Variants in SCRT2 observed in about 807,000 individuals in gnomAD.
SCRT2 encodes scratch family transcriptional repressor 2, also known as transcriptional repressor scratch 2.
A neutral mutation model predicts 3.7 loss-of-function variants in SCRT2; 2 were observed. The observed-to-expected ratio is 0.54, with a 90% CI of 0.22 to 1.70. SCRT2 has a LOEUF of 1.70. Ranked by LOEUF, SCRT2 falls within the 40% of genes most tolerant of loss-of-function variation. The pLI is 0.19. For missense variants in SCRT2, 456 were observed against 468.5 expected (o/e 0.97, Z 0.25); for synonymous variants, 256 against 220.6 (o/e 1.16, Z -1.42).
chr20:670,808 C>T (rs1363565103), intron 1 of SCRT2, among the ~76,000 whole-genome samples: 2 of 152,194 alleles, frequency 1.3e-5, no homozygotes, highest in Non-Finnish European at 2.9e-5. Context: ...AGGACCCTCA[C>T]GTCCCTCTCG....
At position 664,473 on chromosome 20, in the gene SCRT2, G is replaced by A. The variant is rs1984089677; in HGVS notation, c.134-12C>T. Reference sequence around the variant, plus strand: ...GTGCGGGGCGTACCCTGGAGGGGGCGAGAAGTGGAGGGGCGGTGAGAGGAG... The same window carrying A: ...GTGCGGGGCGTACCCTGGAGGGGGCAAGAAGTGGAGGGGCGGTGAGAGGAG... On this transcript the variant is annotated splice_polypyrimidine_tract_variant and intron_variant, in intron 1 of 1. Transcript: ENST00000246104. This position sits in a 1 kb window ranked among gnomAD's most constrained non-coding sequence, Gnocchi z 7.9. The A allele has an allele frequency of 1.6e-6, 2 of 1,243,230 alleles. No individual in the cohort carries two copies. Among genetic ancestry groups the A allele is most frequent in the East Asian group, 6.3e-5 (2 of 31,994 alleles). 77.0% of individuals were successfully genotyped at this position (1,243,230 alleles called of 1,614,324 possible).
At chr20:672,388 C>CGTGTGTGT (rs6147265) in intron 1 of SCRT2, among the ~76,000 whole-genome samples, 5 of 147,184 alleles carry the variant, frequency 3.4e-5, no homozygotes, top group African/African-American at 5.0e-5. Flanking sequence ...GAGCATTGCT[C>CGTGTGTGT]GTGTGTGTGT....
At chr20:674,399 TCACACACACACACACA>T (rs57092015) in intron 1 of SCRT2, among the ~76,000 whole-genome samples, 95 of 106,784 alleles carry the variant, frequency 8.9e-4, no homozygotes, top group Admixed American at 2.2e-3. Context: ...TCTCTCTCTC[TCACACACACACACACA>T]CACACACACA....
At chr20:672,499 A>G (rs1984372635) in intron 1 of SCRT2, among the ~76,000 whole-genome samples, 1 of 151,888 alleles carries the variant, frequency 6.6e-6, no homozygotes, top group Non-Finnish European at 1.5e-5. Flanking sequence ...GCATTCCCAG[A>G]GCTGGGGTAC....
rs1460235240 is a variant in SCRT2 at position 675,254 on chromosome 20, C to A, written c.133+215G>T. Among the ~76,000 whole-genome samples the A allele has an allele frequency of 1.3e-5, 2 of 152,020 alleles. No homozygotes were observed. The highest frequency in any genetic ancestry group is 1.3e-4 in the Admixed American group (2 of 15,286). On this transcript the variant is annotated intron_variant, in intron 1 of 1. Coordinates refer to ENST00000246104, the MANE Select transcript of SCRT2 (RefSeq NM_033129.4). This position sits in a 1 kb window ranked among gnomAD's most constrained non-coding sequence, Gnocchi z 6.9. ...CAAAGTCCCGGCTGGCGCGTGGCTG[C>A]GGGATGGGCCGACCCCGCGACTTTC...
In SCRT2 at chr20:663,751, A is replaced by G; in HGVS notation, c.844T>C (p.Tyr282His). The change falls in exon 2 of 2, where the codon TAC becomes CAC. Residue 282 changes from tyrosine to histidine, a missense_variant. Transcript: ENST00000246104. This position sits in a 1 kb window ranked among gnomAD's most constrained non-coding sequence, Gnocchi z 6.9. ...QCDKSFALKS[Y>H]LHKHCEAACA... ...GCCGCCTCGCAGTGCTTGTGGAGGT[A>G]GGACTTGAGCGCGAAGCTCTTGTCG... 1.3e-6 allele frequency: 2 copies of G among 1,574,624 alleles called. No homozygotes were observed. Among genetic ancestry groups the G allele is most frequent in the South Asian group, 1.2e-5 (1 of 86,392 alleles).
In SCRT2 at chr20:665,540, TGG is replaced by T. The variant is rs529023517; in HGVS notation, c.134-1081_134-1080del. Reference sequence around the variant, plus strand: ...GCCAAGGGTTTGAGTGATTGGTGGGTGGGCAGGCTGGGGTCTCCCTGGGGATT... The same window carrying T: ...GCCAAGGGTTTGAGTGATTGGTGGGTGCAGGCTGGGGTCTCCCTGGGGATT... On this transcript the variant is annotated intron_variant, in intron 1 of 1. Transcript: ENST00000246104. This position sits in a 1 kb window ranked among gnomAD's most constrained non-coding sequence, Gnocchi z 5.0. Among the ~76,000 whole-genome samples the T allele has an allele frequency of 2.9e-4, 44 of 151,954 alleles. 1 individual carries two copies. The South Asian group carries it at 9.2e-3, about 32-fold the overall frequency.
chr20:675,633 G>A lies in SCRT2; in HGVS notation c.-32C>T. On this transcript the variant is annotated 5_prime_UTR_variant, in exon 1 of 2. Transcript: ENST00000246104. This position sits in a 1 kb window ranked among gnomAD's most constrained non-coding sequence, Gnocchi z 6.9. Reference sequence around the variant, plus strand: ...GCCGGCGCGGGGCTCGGTGCGGGGAGGCGGCCGGCCGGGCGCGATCGGCTG... The same window carrying A: ...GCCGGCGCGGGGCTCGGTGCGGGGAAGCGGCCGGCCGGGCGCGATCGGCTG... 2.4e-6 allele frequency: 3 copies of A among 1,260,476 alleles called. No homozygotes were observed. Among genetic ancestry groups the A allele is most frequent in the Non-Finnish European group, 3.0e-6 (3 of 995,204 alleles). 78.1% of individuals were successfully genotyped at this position (1,260,476 alleles called of 1,614,324 possible).
Position 675,347 on chromosome 20 carries a change from A to C in SCRT2, c.133+122T>G. The C allele has an allele frequency of 2.4e-6, 2 of 826,690 alleles. No individual in the cohort carries two copies. Among genetic ancestry groups the C allele is most frequent in the Non-Finnish European group, 1.6e-6 (1 of 614,194 alleles). 51.2% of individuals were successfully genotyped at this position (826,690 alleles called of 1,614,324 possible). On this transcript the variant is annotated intron_variant, in intron 1 of 1. Transcript: ENST00000246104. This position sits in a 1 kb window ranked among gnomAD's most constrained non-coding sequence, Gnocchi z 6.9. ...GAAAGCCCGGGAGGAGCCCACGGCC[A>C]GAGAGATCTCCTCCCGGGGGTTTCC...
chr20:670,139 G>A (rs968911604), intron 1 of SCRT2, among the ~76,000 whole-genome samples: 2 of 152,196 alleles, frequency 1.3e-5, no homozygotes, highest in Non-Finnish European at 2.9e-5. Flanking sequence ...GAATCAATAG[G>A]AAAGATTTTT....
chr20:669,176 T>C (rs2122351377), intron 1 of SCRT2, among the ~76,000 whole-genome samples: 1 of 152,296 alleles, frequency 6.6e-6, no homozygotes, highest in Middle Eastern at 3.4e-3. Flanking sequence ...GAAGCTGTTG[T>C]GGAAAATGCT....
At chr20:671,474 C>T (rs533553840) in intron 1 of SCRT2, among the ~76,000 whole-genome samples, 9 of 152,362 alleles carry the variant, frequency 5.9e-5, no homozygotes, top group Non-Finnish European at 1.2e-4. Context: ...TCCATGGGCA[C>T]CTCCCCAGCC....
intron 1 of SCRT2, among the ~76,000 whole-genome samples, chr20:674,581 T>C (rs769934703): frequency 6.6e-6 from 1 of 152,040 alleles, no homozygotes; most frequent in South Asian, 2.1e-4. Context: ...ACAGAAGCAG[T>C]CTCCACTTTC....
Position 663,296 on chromosome 20 carries a change from G to C in SCRT2, c.*375C>G. On this transcript the variant is annotated 3_prime_UTR_variant, in exon 2 of 2. Coordinates refer to ENST00000246104, the MANE Select transcript of SCRT2 (RefSeq NM_033129.4). The surrounding 1 kb of genome is among the most constrained non-coding windows in gnomAD (Gnocchi z 6.9). Reference sequence around the variant, plus strand: ...GGAATGGTCAGAGAGATTCAGCTGAGAAGCGAGAGAAAAGATCTAGAAGTT... The same window carrying C: ...GGAATGGTCAGAGAGATTCAGCTGACAAGCGAGAGAAAAGATCTAGAAGTT... The C allele has an allele frequency of 4.4e-6, 1 of 225,686 alleles. No homozygotes were observed. Among genetic ancestry groups the C allele is most frequent in the East Asian group, 9.2e-5 (1 of 10,920 alleles). 14.0% of individuals were successfully genotyped at this position (225,686 alleles called of 1,614,324 possible).
At position 665,094 on chromosome 20, in the gene SCRT2, C is replaced by G. The variant is rs6038326; in HGVS notation, c.134-633G>C. Reference sequence around the variant, plus strand: ...CGTCACAGACCCAAGGAAGTCGGCACTATTGTAATCCCCATTTGATGTGTA... The same window carrying G: ...CGTCACAGACCCAAGGAAGTCGGCAGTATTGTAATCCCCATTTGATGTGTA... On this transcript the variant is annotated intron_variant, in intron 1 of 1. Transcript: ENST00000246104. The surrounding 1 kb of genome is among the most constrained non-coding windows in gnomAD (Gnocchi z 5.0). 0.026 allele frequency among the ~76,000 whole-genome samples: 3,899 copies of G among 149,768 alleles called. 178 individuals carry two copies. The highest frequency in any genetic ancestry group is 0.086 in the African/African-American group (3,577 of 41,360).
At chr20:674,084 C>T (rs1256254333) in intron 1 of SCRT2, among the ~76,000 whole-genome samples, 1 of 152,096 alleles carries the variant, frequency 6.6e-6, no homozygotes, top group East Asian at 1.9e-4. Flanking sequence ...GAAGGGGTTT[C>T]TGTTAAGGGT....
At chr20:668,659 G>C (rs1984233146) in intron 1 of SCRT2, among the ~76,000 whole-genome samples, 1 of 152,188 alleles carries the variant, frequency 6.6e-6, no homozygotes, top group Non-Finnish European at 1.5e-5. Flanking sequence ...TTGGAGATGT[G>C]CACATGTCAC....
intron 1 of SCRT2, among the ~76,000 whole-genome samples, chr20:670,817 C>T (rs1465802835): frequency 2.6e-5 from 4 of 152,172 alleles, no homozygotes; most frequent in Non-Finnish European, 5.9e-5. Flanking sequence ...ACGTCCCTCT[C>T]GTAACCCCAG....
rs1984141621 is a variant in SCRT2, at chr20:665,978, A to AT, written c.134-1518dup. Reference sequence around the variant, plus strand: ...TTTCGTTTCCCACACAGCCTGGCTGATTCAGCCTCCAGGCCTTTGCCTCTC... The same window carrying AT: ...TTTCGTTTCCCACACAGCCTGGCTGATTTCAGCCTCCAGGCCTTTGCCTCTC... On this transcript the variant is annotated intron_variant, in intron 1 of 1. Coordinates refer to ENST00000246104, the MANE Select transcript of SCRT2 (RefSeq NM_033129.4). The surrounding 1 kb of genome is among the most constrained non-coding windows in gnomAD (Gnocchi z 5.0). 1.3e-5 allele frequency among the ~76,000 whole-genome samples: 2 copies of AT among 152,212 alleles called. No individual in the cohort carries two copies. The highest frequency in any genetic ancestry group is 4.8e-5 in the African/African-American group (2 of 41,454).
Sources: gnomAD v4.1 joint callset for allele counts (sites outside exome capture counted in the v4.1 genomes callset) on GRCh38, gnomAD v4.1.1 for gene constraint, Gnocchi (gnomAD v3.1) non-coding constraint, MANE v1.5 for transcripts, NCBI Gene and HGNC (gene_info 2026-07-23, HGNC 2026-07-21) for gene names.